Variants in PIEZO2 observed in about 807,000 individuals in gnomAD.
The protein encoded by PIEZO2 is piezo type mechanosensitive ion channel component 2.
A neutral mutation model predicts 337.3 loss-of-function variants in PIEZO2; 172 were observed. That is an observed-to-expected ratio of 0.51 (90% CI 0.45 to 0.58). PIEZO2 has a LOEUF of 0.58. PIEZO2 is among the 20% of genes least tolerant of loss of function. The pLI is 0.00. For missense variants in PIEZO2, 3,028 were observed against 3,391.3 expected (o/e 0.89, Z 2.66); for synonymous variants, 1,251 against 1,228.5 (o/e 1.02, Z -0.38).
chr18:10,716,065 G>A lies in PIEZO2; in HGVS notation c.5090-249C>T, dbSNP rs1478685334. Reference sequence around the variant, plus strand: ...TTGTAATCTTTAGTGGAAACAGAAAGCAGGGCGGCTCCCTGTGCAGCTGAC... The same window carrying A: ...TTGTAATCTTTAGTGGAAACAGAAAACAGGGCGGCTCCCTGTGCAGCTGAC... On this transcript the variant is annotated intron_variant, in intron 37 of 55. Transcript: ENST00000674853. The surrounding 1 kb of genome is among the most constrained non-coding windows in gnomAD (Gnocchi z 4.1). Among the ~76,000 whole-genome samples the A allele has an allele frequency of 6.6e-6, 1 of 152,200 alleles. No individual in the cohort carries two copies. The highest frequency in any genetic ancestry group is 1.9e-4 in the East Asian group (1 of 5,194).
At chr18:10,742,063 G>A (rs1472625211) in intron 32 of PIEZO2, among the ~76,000 whole-genome samples, 1 of 152,178 alleles carries the variant, frequency 6.6e-6, no homozygotes, top group Non-Finnish European at 1.5e-5. Flanking sequence ...GCTGAGGCAG[G>A]AGAATGGCGT....
At chr18:11,007,049 A>G (rs2035750040) in intron 2 of PIEZO2, among the ~76,000 whole-genome samples, 1 of 152,108 alleles carries the variant, frequency 6.6e-6, no homozygotes, top group African/African-American at 2.4e-5. Flanking sequence ...CTACTCCTCT[A>G]TTTATTTTGA....
At position 11,038,896 on chromosome 18, in the gene PIEZO2, A is replaced by C. The variant is rs922477853; in HGVS notation, c.160+27231T>G. ...TGTTTCCAACCTCTTTAAGATAAAA[A>C]AGAAGACAGTAAGAATCATGATTTT... is the stretch of plus-strand genomic sequence containing the variant. On this transcript the variant is annotated intron_variant, in intron 2 of 55. Coordinates refer to ENST00000674853, the MANE Select transcript of PIEZO2 (RefSeq NM_001378183.1). This position sits in a 1 kb window ranked among gnomAD's most constrained non-coding sequence, Gnocchi z 4.1. Among the ~76,000 whole-genome samples the C allele has an allele frequency of 3.4e-4, 52 of 152,292 alleles. 1 individual carries two copies. Among genetic ancestry groups the C allele is most frequent in the African/African-American group, 1.1e-3 (44 of 41,562 alleles).
chr18:11,127,553 C>A lies in PIEZO2; in HGVS notation c.64+20972G>T, dbSNP rs2040214859. Among the ~76,000 whole-genome samples, 1 of 152,076 alleles carries A rather than the reference C, an allele frequency of 6.6e-6. No individual in the cohort carries two copies. The highest frequency in any genetic ancestry group is 2.1e-4 in the South Asian group (1 of 4,820). On this transcript the variant is annotated intron_variant, in intron 1 of 55. Transcript: ENST00000674853. This position sits in a 1 kb window ranked among gnomAD's most constrained non-coding sequence, Gnocchi z 4.5. ...CATCTTTCTCCTGTGCTGAATGCTT[C>A]CTGCCCTCGAACATCAGGCTCCAAG...
chr18:10,713,354 G>GT lies in PIEZO2; in HGVS notation c.5423+1409dup, dbSNP rs61700069. Among the ~76,000 whole-genome samples, 84 of 148,182 alleles carry GT rather than the reference G, an allele frequency of 5.7e-4. No individual in the cohort carries two copies. The highest frequency in any genetic ancestry group is 2.6e-3 in the South Asian group (12 of 4,650). On this transcript the variant is annotated intron_variant, in intron 39 of 55. Transcript: ENST00000674853. The surrounding 1 kb of genome is among the most constrained non-coding windows in gnomAD (Gnocchi z 4.5). ...TAGCACTTTAGGGCAAAACTTTTTG[G>GT]TTTTTTTTTTACCCACATTCCTCAC...
chr18:10,951,827 C>T (rs975440734), intron 3 of PIEZO2, among the ~76,000 whole-genome samples: 1 of 152,092 alleles, frequency 6.6e-6, no homozygotes, highest in Non-Finnish European at 1.5e-5. Flanking sequence ...TCTATCATTC[C>T]CTGGAGCTAG....
At chr18:10,835,174 A>T (rs1365604962) in intron 7 of PIEZO2, among the ~76,000 whole-genome samples, 2 of 152,292 alleles carry the variant, frequency 1.3e-5, no homozygotes, top group South Asian at 4.1e-4. Context: ...AATTATGAGA[A>T]ATAAATGTTT....
At chr18:11,140,974 C>A (rs2040627822) in intron 1 of PIEZO2, among the ~76,000 whole-genome samples, 1 of 152,182 alleles carries the variant, frequency 6.6e-6, no homozygotes, top group South Asian at 2.1e-4. Context: ...AACAGGCTGT[C>A]TTGACCCATG....
In PIEZO2 at chr18:11,149,311, T is replaced by C. The variant is rs1221900589; in HGVS notation, c.-723A>G. 6.6e-6 allele frequency among the ~76,000 whole-genome samples: 1 copy of C among 152,034 alleles called. No individual in the cohort carries two copies. Among genetic ancestry groups the C allele is most frequent in the Non-Finnish European group, 1.5e-5 (1 of 67,982 alleles). On this transcript the variant is annotated 5_prime_UTR_variant, in exon 1 of 56. Coordinates refer to ENST00000674853, the MANE Select transcript of PIEZO2 (RefSeq NM_001378183.1). This position sits in a 1 kb window ranked among gnomAD's most constrained non-coding sequence, Gnocchi z 8.7. The stretch of plus-strand genomic sequence containing the variant: ...CATCCCCGCCACCACGGGGCTCGCC[T>C]TGTGGGTCCGGTGCGCGGGCGGCGC...
intron 2 of PIEZO2, among the ~76,000 whole-genome samples, chr18:11,060,237 C>T (rs1228598842): frequency 1.3e-5 from 2 of 152,122 alleles, no homozygotes; most frequent in Admixed American, 6.5e-5. Flanking sequence ...GTACCAGAAT[C>T]TCTGGGACAC....
chr18:10,881,926 C>A (rs993210298), intron 4 of PIEZO2, among the ~76,000 whole-genome samples: 1 of 152,124 alleles, frequency 6.6e-6, no homozygotes, highest in Non-Finnish European at 1.5e-5. Context: ...TGATTCTAAA[C>A]TGACACTCTT....
chr18:10,741,148 A>G (rs1374557890), intron 32 of PIEZO2, 46 bp from the exon 33 acceptor site: 1 of 1,486,638 alleles, frequency 6.7e-7, no homozygotes, highest in Non-Finnish European at 8.9e-7. Context: ...AAGTGAGAAA[A>G]CAAATTTTGA....
chr18:10,932,402 A>G (rs2032147280), intron 3 of PIEZO2, among the ~76,000 whole-genome samples: 1 of 152,086 alleles, frequency 6.6e-6, no homozygotes, highest in African/African-American at 2.4e-5. Flanking sequence ...TCAAAAACAA[A>G]ACAAAACAAA....
In PIEZO2 at chr18:11,078,036, CCACACACACCCACACACA is replaced by C. The variant is rs1341623605; in HGVS notation, c.65-11832_65-11815del. Among the ~76,000 whole-genome samples, 1 of 115,988 alleles carries C rather than the reference CCACACACACCCACACACA, an allele frequency of 8.6e-6. No individual in the cohort carries two copies. The highest frequency in any genetic ancestry group is 4.2e-5 in the African/African-American group (1 of 24,050). 76.1% of individuals were successfully genotyped at this position (115,988 alleles called of 152,430 possible). ...AAAACACATGTGCGTGCACACACAC[CCACACACACCCACACACA>C]CACACACACACACCACACACACAAA... On this transcript the variant is annotated intron_variant, in intron 1 of 55. Transcript: ENST00000674853. The surrounding 1 kb of genome is among the most constrained non-coding windows in gnomAD (Gnocchi z 5.3).
chr18:11,090,614 TA>T (rs2039046789), intron 1 of PIEZO2, among the ~76,000 whole-genome samples: 1 of 152,060 alleles, frequency 6.6e-6, no homozygotes, highest in African/African-American at 2.4e-5. Context: ...AGGCAAAAAA[TA>T]AATGCACAAC....
At chr18:11,066,841 C>T (rs978207395) in intron 1 of PIEZO2, among the ~76,000 whole-genome samples, 4 of 152,192 alleles carry the variant, frequency 2.6e-5, no homozygotes, top group Non-Finnish European at 5.9e-5. Flanking sequence ...CTCAGGTAAT[C>T]TGCCCACCTC....
chr18:11,058,624 G>A (rs1035757325), intron 2 of PIEZO2, among the ~76,000 whole-genome samples: 2 of 152,304 alleles, frequency 1.3e-5, no homozygotes, highest in African/African-American at 2.4e-5. Flanking sequence ...ACTATGTGAT[G>A]AATGCACAAG....
chr18:11,089,833 G>A (rs972305858), intron 1 of PIEZO2, among the ~76,000 whole-genome samples: 5 of 152,188 alleles, frequency 3.3e-5, no homozygotes, highest in Non-Finnish European at 1.5e-5. Context: ...TCTGTCCAAC[G>A]AGCATTTCCT....
chr18:10,806,087 C>T (rs1391050797), intron 8 of PIEZO2, among the ~76,000 whole-genome samples: 1 of 152,194 alleles, frequency 6.6e-6, no homozygotes, highest in Non-Finnish European at 1.5e-5. Context: ...TACTCATTGA[C>T]TGGCTGACTG....
Sources: gnomAD v4.1 joint callset for allele counts (sites outside exome capture counted in the v4.1 genomes callset) on GRCh38, gnomAD v4.1.1 for gene constraint, Gnocchi (gnomAD v3.1) non-coding constraint, MANE v1.5 for transcripts, NCBI Gene and HGNC (gene_info 2026-07-23, HGNC 2026-07-21) for gene names.